Variants in CDH13 observed in about 807,000 individuals in gnomAD.
CDH13 encodes the protein cadherin 13.
Under a neutral mutation model 63.8 loss-of-function variants are expected in CDH13, and 24 were observed. The ratio of observed to expected loss-of-function variants is 0.38; its 90% CI spans 0.27 to 0.53. The LOEUF is 0.53. Ranked by LOEUF, CDH13 falls within the 20% of genes least tolerant of loss-of-function variation. CDH13 has a pLI of 0.85. For missense variants in CDH13, 1,049 were observed against 903.1 expected (o/e 1.16, Z -2.07); for synonymous variants, 503 against 355.3 (o/e 1.42, Z -4.67).
intron 2 of CDH13, among the ~76,000 whole-genome samples, chr16:83,018,221 T>C (rs900146260): frequency 1.3e-5 from 2 of 152,124 alleles, no homozygotes; most frequent in African/African-American, 2.4e-5. Flanking sequence ...ATTATGGGGA[T>C]TGGAGTGAAA....
At chr16:83,191,842 G>C (rs142162691) in intron 4 of CDH13, among the ~76,000 whole-genome samples, 4 of 151,920 alleles carry the variant, frequency 2.6e-5, no homozygotes, top group African/African-American at 9.7e-5. Context: ...TTAAGGGTGG[G>C]TCTGCCTTTC....
chr16:83,779,648 C>T (rs1339700242), intron 11 of CDH13, among the ~76,000 whole-genome samples: 4 of 151,998 alleles, frequency 2.6e-5, no homozygotes, highest in Non-Finnish European at 5.9e-5. Context: ...CATAGTGAGA[C>T]ACCGTCTCTA....
At chr16:83,758,723 A>G (rs1025491489) in intron 11 of CDH13, among the ~76,000 whole-genome samples, 3 of 152,238 alleles carry the variant, frequency 2.0e-5, no homozygotes, top group African/African-American at 2.4e-5. Flanking sequence ...TAATTGTTTT[A>G]TATACCCCAG....
At position 83,571,555 on chromosome 16, in the gene CDH13, G is replaced by A. The variant is rs75665656; in HGVS notation, c.961-30899G>A. Among the ~76,000 whole-genome samples, 283 of 152,076 alleles carry A rather than the reference G, an allele frequency of 1.9e-3. 11 individuals are homozygous for A. The East Asian group carries it at 0.049, about 26-fold the overall frequency. Reference sequence around the variant, plus strand: ...ACAGGCCCCGAGTTTGTACTCCCAGGTAATGGTGACCATACACTTTTACCA... The same window carrying A: ...ACAGGCCCCGAGTTTGTACTCCCAGATAATGGTGACCATACACTTTTACCA... On this transcript the variant is annotated intron_variant, in intron 7 of 13. Transcript: ENST00000567109.
intron 2 of CDH13, among the ~76,000 whole-genome samples, chr16:82,879,795 A>G (rs1195584922): frequency 1.5e-5 from 2 of 136,648 alleles, no homozygotes; most frequent in Non-Finnish European, 3.0e-5. Flanking sequence ...TATATAAAAT[A>G]TGAATATATA....
At chr16:83,494,256 A>G (rs1327512243) in intron 7 of CDH13, among the ~76,000 whole-genome samples, 3 of 152,176 alleles carry the variant, frequency 2.0e-5, no homozygotes, top group Non-Finnish European at 4.4e-5. Context: ...GAAGTACCCT[A>G]AAAAGCTAAA....
intron 8 of CDH13, among the ~76,000 whole-genome samples, chr16:83,619,642 T>G (rs967742068): frequency 1.4e-5 from 2 of 142,940 alleles, no homozygotes; most frequent in African/African-American, 5.2e-5. Context: ...TCCCCCCAGT[T>G]CCTGCCTCCA....
chr16:82,807,959 C>G lies in CDH13; in HGVS notation c.46-50403C>G, dbSNP rs944954754. Among the ~76,000 whole-genome samples, 3 of 152,088 alleles carry G rather than the reference C, an allele frequency of 2.0e-5. No individual in the cohort carries two copies. In the East Asian group the frequency reaches 5.8e-4, roughly 29 times the overall value. ...AAGGGAATTGGTTATTATCCAAGGT[C>G]AACTTATTAACGAGAGACAGAATAT... is the stretch of plus-strand genomic sequence containing the variant. On this transcript the variant is annotated intron_variant, in intron 1 of 13. Transcript: ENST00000567109.
intron 2 of CDH13, among the ~76,000 whole-genome samples, chr16:82,998,388 T>G (rs1387212710): frequency 6.6e-6 from 1 of 152,240 alleles, no homozygotes; most frequent in Non-Finnish European, 1.5e-5. Flanking sequence ...AGTATCACTT[T>G]CGTGAAGTTC....
chr16:83,255,474 C>T (rs558253417), intron 5 of CDH13, among the ~76,000 whole-genome samples: 2 of 152,204 alleles, frequency 1.3e-5, no homozygotes, highest in East Asian at 3.9e-4. Flanking sequence ...TGATTTGGCA[C>T]TTACTCCACA....
chr16:83,083,790 A>G (rs1383585339), intron 3 of CDH13, among the ~76,000 whole-genome samples: 1 of 152,198 alleles, frequency 6.6e-6, no homozygotes, highest in Non-Finnish European at 1.5e-5. Context: ...TAACATACCT[A>G]ATATTAACCA....
At chr16:82,966,011 C>T (rs1034131977) in intron 2 of CDH13, among the ~76,000 whole-genome samples, 2 of 152,162 alleles carry the variant, frequency 1.3e-5, no homozygotes, top group African/African-American at 4.8e-5. Context: ...ACGAGTTGAC[C>T]AAGCGTCTTG....
chr16:83,781,332 A>G (rs1481814761), intron 12 of CDH13, among the ~76,000 whole-genome samples: 1 of 152,238 alleles, frequency 6.6e-6, no homozygotes, highest in Non-Finnish European at 1.5e-5. Context: ...GAAAAAAGAA[A>G]AAGAAAGACA....
chr16:83,204,884 C>G lies in CDH13; in HGVS notation c.484-12461C>G, dbSNP rs1359493081. On this transcript the variant is annotated intron_variant, in intron 4 of 13. Transcript: ENST00000567109. Reference sequence around the variant, plus strand: ...CATGAGGAAGGAAAAGGGAATGTATCTAGGCACACTAGAGTTCCTAATGCT... The same window carrying G: ...CATGAGGAAGGAAAAGGGAATGTATGTAGGCACACTAGAGTTCCTAATGCT... Among the ~76,000 whole-genome samples, 4 of 152,200 alleles carry G rather than the reference C, an allele frequency of 2.6e-5. No individual in the cohort carries two copies. In the East Asian group the frequency reaches 7.7e-4, roughly 29 times the overall value.
At chr16:83,232,459 A>T (rs1050617350) in intron 5 of CDH13, among the ~76,000 whole-genome samples, 1 of 151,678 alleles carries the variant, frequency 6.6e-6, no homozygotes, top group Non-Finnish European at 1.5e-5. Flanking sequence ...TGGGAGGCAG[A>T]AGTTGCAGTG....
chr16:83,577,019 C>T (rs1278316870), intron 7 of CDH13, among the ~76,000 whole-genome samples: 1 of 152,210 alleles, frequency 6.6e-6, no homozygotes, highest in Non-Finnish European at 1.5e-5. Context: ...AGTCCAGTGA[C>T]AGGCATTTAG....
At chr16:82,836,187 C>T (rs533485449) in intron 1 of CDH13, among the ~76,000 whole-genome samples, 12 of 152,186 alleles carry the variant, frequency 7.9e-5, no homozygotes, top group Middle Eastern at 3.4e-3. Context: ...AGTGCATTGG[C>T]GCCCAGGCTG....
At chr16:82,936,170 T>C (rs2151302127) in intron 2 of CDH13, among the ~76,000 whole-genome samples, 1 of 152,304 alleles carries the variant, frequency 6.6e-6, no homozygotes, top group Non-Finnish European at 1.5e-5. Context: ...CCTTAGTTCC[T>C]GCCAGCATTC....
rs191477282 is a variant in CDH13, at chr16:83,066,970, A to G, written c.366+34752A>G. On this transcript the variant is annotated intron_variant, in intron 3 of 13. Transcript: ENST00000567109. ...CACCAAATGCTGAAGTCTTTGCTTCAGCAATTTTTCCTGCCTCTAGGATGA... is the reference window on the plus strand; with the variant it reads ...CACCAAATGCTGAAGTCTTTGCTTCGGCAATTTTTCCTGCCTCTAGGATGA... Among the ~76,000 whole-genome samples, 130 of 152,318 alleles carry G rather than the reference A, an allele frequency of 8.5e-4. 1 individual carries two copies. Among genetic ancestry groups the G allele is most frequent in the African/African-American group, 2.8e-3 (116 of 41,580 alleles).
Sources: allele counts gnomAD v4.1 joint callset (sites outside exome capture counted in the v4.1 genomes callset), GRCh38; gene constraint gnomAD v4.1.1; transcripts MANE v1.5; gene names NCBI Gene and HGNC (gene_info 2026-07-23, HGNC 2026-07-21).